The following GIPC2 variants were observed in gnomAD, a reference collection of about 807,000 sequenced individuals.
GIPC2 encodes the protein GIPC PDZ domain containing family member 2.
In GIPC2, 30 loss-of-function variants were observed where a neutral mutation model predicts 30.6. The observed-to-expected ratio is 0.98, with a 90% CI of 0.73 to 1.33. GIPC2 has a LOEUF of 1.33. Among genes scored for constraint, GIPC2 ranks in the 40% most tolerant of loss-of-function variants. The probability of loss-of-function intolerance (pLI) is 0.00; values close to 1 mark genes in which losing one functional copy is unlikely to be tolerated. For missense variants in GIPC2, 414 were observed against 390.3 expected (o/e 1.06, Z -0.51); for synonymous variants, 167 against 150.0 (o/e 1.11, Z -0.83).
chr1:78,135,866 TA>T lies in GIPC2; in HGVS notation c.*124del. ...CTGGTTTAATTTCATGTGTATGGAATATATTCTTTGAAATATAATTTTGGTA... is the reference window on the plus strand; with the variant it reads ...CTGGTTTAATTTCATGTGTATGGAATTATTCTTTGAAATATAATTTTGGTA... On this transcript the variant is annotated 3_prime_UTR_variant, in exon 6 of 6. Transcript: ENST00000370759. 1 of 710,810 alleles carries T rather than the reference TA, an allele frequency of 1.4e-6. No individual in the cohort carries two copies. The highest frequency in any genetic ancestry group is 2.2e-6 in the Non-Finnish European group (1 of 445,236). 44.0% of individuals were successfully genotyped at this position (710,810 alleles called of 1,614,324 possible).
chr1:78,100,940 AT>A (rs1162657342), intron 3 of GIPC2, among the ~76,000 whole-genome samples: 11,585 of 113,018 alleles, frequency 0.1, 914 homozygotes, highest in African/African-American at 0.24. Flanking sequence ...AAAAAAAAAA[AT>A]ACACACACAC....
At chr1:78,052,581 G>A (rs556826465) in intron 1 of GIPC2, among the ~76,000 whole-genome samples, 2 of 152,208 alleles carry the variant, frequency 1.3e-5, no homozygotes, top group African/African-American at 2.4e-5. Flanking sequence ...TTAGGTGGGG[G>A]TAGTGAGGAA....
At chr1:78,112,956 C>G (rs1346060471) in intron 3 of GIPC2, among the ~76,000 whole-genome samples, 2 of 152,184 alleles carry the variant, frequency 1.3e-5, no homozygotes, top group Non-Finnish European at 2.9e-5. Flanking sequence ...AAAGCCCAGA[C>G]TTCACCACTA....
At chr1:78,077,498 A>G (rs1187386208) in intron 1 of GIPC2, among the ~76,000 whole-genome samples, 1 of 152,242 alleles carries the variant, frequency 6.6e-6, no homozygotes, top group Non-Finnish European at 1.5e-5. Context: ...AGATTACCCC[A>G]GAAGGTGTTA....
At chr1:78,116,624 C>T (rs923189376) in intron 3 of GIPC2, among the ~76,000 whole-genome samples, 12 of 151,916 alleles carry the variant, frequency 7.9e-5, no homozygotes, top group African/African-American at 1.9e-4. Context: ...TCTGTCCTTA[C>T]GCTAGTTTGC....
chr1:78,060,426 T>G (rs1046279079), intron 1 of GIPC2, among the ~76,000 whole-genome samples: 1 of 152,158 alleles, frequency 6.6e-6, no homozygotes, highest in African/African-American at 2.4e-5. Context: ...ATTATAGGTG[T>G]GTACCACTGC....
intron 4 of GIPC2, among the ~76,000 whole-genome samples, chr1:78,120,906 T>C (rs1662669736): frequency 1.3e-5 from 2 of 152,254 alleles, no homozygotes; most frequent in South Asian, 4.1e-4. Flanking sequence ...CTAAACACAC[T>C]AGGACTCTAT....
chr1:78,117,862 C>T, intron 3 of GIPC2, among the ~76,000 whole-genome samples: 1 of 152,268 alleles, frequency 6.6e-6, no homozygotes, highest in East Asian at 1.9e-4. Context: ...ATTTAATTGT[C>T]CAAACTTAAA....
chr1:78,055,600 C>T (rs935520813), intron 1 of GIPC2, among the ~76,000 whole-genome samples: 1 of 152,192 alleles, frequency 6.6e-6, no homozygotes, highest in Non-Finnish European at 1.5e-5. Flanking sequence ...CTTTGCTCCT[C>T]CCATTATTAC....
At chr1:78,100,324 A>C (rs1662217557) in intron 3 of GIPC2, among the ~76,000 whole-genome samples, 1 of 152,202 alleles carries the variant, frequency 6.6e-6, no homozygotes, top group Non-Finnish European at 1.5e-5. Flanking sequence ...TAAAAGAGAA[A>C]TAGGTAAGCC....
intron 3 of GIPC2, among the ~76,000 whole-genome samples, chr1:78,107,949 A>G (rs1309592413): frequency 6.8e-6 from 1 of 146,614 alleles, no homozygotes. Flanking sequence ...AAACAATTTT[A>G]TTATAAATAG....
At position 78,135,676 on chromosome 1, in the gene GIPC2, C is replaced by T. The variant is rs1357066283; in HGVS notation, c.881C>T (p.Ala294Val). Residue 294 changes from alanine (A) to valine (V), a missense_variant, in exon 6 of 6, where the codon GCG becomes GTG. Physicochemically the swap from Ala to Val is moderately conservative, Grantham distance 64. Coordinates refer to ENST00000370759, the MANE Select transcript of GIPC2 (RefSeq NM_017655.6). ...VALDETLGDF[A>V]FPDEFVFDVW... Reference sequence around the variant, plus strand: ...CTTGACGAAACTCTTGGAGACTTTGCGTTCCCAGACGAATTTGTCTTTGAT... The same window carrying T: ...CTTGACGAAACTCTTGGAGACTTTGTGTTCCCAGACGAATTTGTCTTTGAT... 1.2e-5 allele frequency: 19 copies of T among 1,612,510 alleles called. No individual in the cohort carries two copies. The highest frequency in any genetic ancestry group is 1.7e-4 in the Middle Eastern group (1 of 6,058).
Position 78,094,949 on chromosome 1 carries a change from C to T in GIPC2, c.427-3C>T. 6.4e-7 allele frequency: 1 copy of T among 1,558,158 alleles called. No homozygotes were observed. Among genetic ancestry groups the T allele is most frequent in the Non-Finnish European group, 8.8e-7 (1 of 1,130,504 alleles). On this transcript the variant is annotated splice_region_variant and splice_polypyrimidine_tract_variant and intron_variant, in intron 2 of 5. Coordinates refer to ENST00000370759, the MANE Select transcript of GIPC2 (RefSeq NM_017655.6). ...TATTATGTTATCATCAATTTCCTTT[C>T]AGAGAATTAAAGATGGTGGTGTTAT...
At chr1:78,094,253 G>A (rs1297062111) in intron 2 of GIPC2, among the ~76,000 whole-genome samples, 1 of 152,208 alleles carries the variant, frequency 6.6e-6, no homozygotes, top group Non-Finnish European at 1.5e-5. Context: ...GGCCTCAATT[G>A]AAATGATTCA....
At chr1:78,045,413 T>C (rs1434479664), upstream of GIPC2, 4 of 248,814 alleles carry the variant, frequency 1.6e-5, no homozygotes, top group Non-Finnish European at 2.6e-5. Flanking sequence ...AGGTCCTCTG[T>C]AGAGACTAAG....
intron 5 of GIPC2, among the ~76,000 whole-genome samples, chr1:78,132,700 G>GTGTGTGTGT (rs1446340033): frequency 3.6e-5 from 2 of 55,450 alleles, no homozygotes; most frequent in Non-Finnish European, 9.9e-5. Context: ...TGTGTGTGTA[G>GTGTGTGTGT]AGAGAGAAAT....
At chr1:78,104,816 A>G (rs1662313603) in intron 3 of GIPC2, among the ~76,000 whole-genome samples, 1 of 152,132 alleles carries the variant, frequency 6.6e-6, no homozygotes, top group Admixed American at 6.5e-5. Context: ...TTTCAGGTGT[A>G]TTGCATTTTA....
intron 2 of GIPC2, chr1:78,088,902 A>G (rs1571499578): frequency 6.6e-6 from 1 of 151,570 alleles, no homozygotes; most frequent in African/African-American, 2.4e-5. Context: ...TAACTCTTCT[A>G]TCCCATTACT....
Position 78,046,423 on chromosome 1 carries a change from G to A in GIPC2, c.240+89G>A. The A allele has an allele frequency of 7.1e-6, 9 of 1,265,436 alleles. 1 individual carries two copies. The highest frequency in any genetic ancestry group is 4.6e-5 in the African/African-American group (3 of 65,876). The allele number at this position is 1,265,436 out of a possible 1,614,324, so 78.4% of individuals were successfully genotyped here. Reference sequence around the variant, plus strand: ...TCTGTGGGCCCAGGAGGGTTGAGCGGCGTTTCCCGGAGCGCGAAATCCGAT... The same window carrying A: ...TCTGTGGGCCCAGGAGGGTTGAGCGACGTTTCCCGGAGCGCGAAATCCGAT... On this transcript the variant is annotated intron_variant, in intron 1 of 5. Coordinates refer to ENST00000370759, the MANE Select transcript of GIPC2 (RefSeq NM_017655.6).
Sources: allele counts gnomAD v4.1 joint callset (sites outside exome capture counted in the v4.1 genomes callset), GRCh38; gene constraint gnomAD v4.1.1; transcripts MANE v1.5; gene names NCBI Gene and HGNC (gene_info 2026-07-23, HGNC 2026-07-21).